RSPO1: variants seen among roughly 807,000 people sequenced by gnomAD.
The protein encoded by RSPO1 is R-spondin-1.
Under a neutral mutation model 26.0 loss-of-function variants are expected in RSPO1, and 18 were observed. That is an observed-to-expected ratio of 0.69 (90% CI 0.48 to 1.03). The LOEUF (loss-of-function observed/expected upper bound fraction) is 1.03. Ranked by LOEUF, RSPO1 falls within the 50% of genes least tolerant of loss-of-function variation. The pLI is 0.00. For synonymous variants in RSPO1, 133 were observed against 137.4 expected (o/e 0.97, Z 0.22); for missense variants, 309 against 352.3 (o/e 0.88, Z 0.98).
At position 37,613,906 on chromosome 1, in the gene RSPO1, A is replaced by G; in HGVS notation, c.437-14T>C. ...TTTCACATTGCGCTGGCAGGAAGAGAAGGGAAGGGAGAGAAGGACAAGGAG... is the reference window on the plus strand; with the variant it reads ...TTTCACATTGCGCTGGCAGGAAGAGGAGGGAAGGGAGAGAAGGACAAGGAG... On this transcript the variant is annotated splice_polypyrimidine_tract_variant and intron_variant, in intron 5 of 6. Coordinates refer to ENST00000356545, the MANE Select transcript of RSPO1 (RefSeq NM_001242908.2). The surrounding 1 kb of genome is among the most constrained non-coding windows in gnomAD (Gnocchi z 4.5). 6.2e-7 allele frequency: 1 copy of G among 1,613,514 alleles called. No homozygotes were observed.
chr1:37,630,325 GCT>G (rs5773594), intron 2 of RSPO1, among the ~76,000 whole-genome samples: 67,359 of 150,880 alleles, frequency 0.45, 15,525 homozygotes, highest in East Asian at 0.65. Flanking sequence ...TTGAAGAGGA[GCT>G]CTCTCTCTCT....
At position 37,616,514 on chromosome 1, in the gene RSPO1, C is replaced by T. The variant is rs763148695; in HGVS notation, c.256G>A (p.Ala86Thr). 3.1e-6 allele frequency: 5 copies of T among 1,614,174 alleles called. No homozygotes were observed. The highest frequency in any genetic ancestry group is 2.2e-5 in the South Asian group (2 of 91,080). ...LPSCPPGYFD[A>T]RNPDMNKCIK... The stretch of plus-strand genomic sequence containing the variant: ...CACTTGTTCATGTCGGGGTTGCGGG[C>T]GTCGAAGTATCCAGGTGGGCAGGAC... The change falls in exon 4 of 7, where the codon GCC becomes ACC. Residue 86 changes from alanine (A) to threonine (T), a missense_variant. Physicochemically the swap from Ala to Thr is moderately conservative, Grantham distance 58 (BLOSUM62 0). Coordinates refer to ENST00000356545, the MANE Select transcript of RSPO1 (RefSeq NM_001242908.2).
intron 4 of RSPO1, among the ~76,000 whole-genome samples, chr1:37,614,981 G>A (rs1644089475): frequency 6.6e-6 from 1 of 152,138 alleles, no homozygotes; most frequent in Admixed American, 6.5e-5. Context: ...TCTCCTCTGG[G>A]GGAATGGGGG....
At chr1:37,614,688 GGA>G (rs897272257) in intron 4 of RSPO1, among the ~76,000 whole-genome samples, 61 of 152,320 alleles carry the variant, frequency 4.0e-4, no homozygotes, top group African/African-American at 1.4e-3. Flanking sequence ...GGGTGGGACA[GGA>G]GAGTTTCAGC....
intron 3 of RSPO1, among the ~76,000 whole-genome samples, chr1:37,620,629 AAATAATAAT>A (rs56294873): frequency 1.4e-3 from 201 of 146,082 alleles, no homozygotes; most frequent in African/African-American, 4.5e-3. Flanking sequence ...CTCTGTCTCA[AAATAATAAT>A]AATAATAATA....
At chr1:37,617,343 G>A (rs2148164223) in intron 3 of RSPO1, among the ~76,000 whole-genome samples, 1 of 152,254 alleles carries the variant, frequency 6.6e-6, no homozygotes, top group African/African-American at 2.4e-5. Flanking sequence ...ATGACACTGA[G>A]GTTGAGAAAC....
chr1:37,632,873 T>G (rs1644379990), intron 1 of RSPO1, among the ~76,000 whole-genome samples: 1 of 152,236 alleles, frequency 6.6e-6, no homozygotes, highest in Admixed American at 6.5e-5. Context: ...TGACTCCCTT[T>G]TAAGCAGGCT....
At chr1:37,625,153 T>C (rs1267626067) in intron 3 of RSPO1, among the ~76,000 whole-genome samples, 2 of 152,236 alleles carry the variant, frequency 1.3e-5, no homozygotes. Context: ...CTTATATTGT[T>C]ATTATCTGCT....
chr1:37,631,527 G>C (rs1345566278), intron 2 of RSPO1, among the ~76,000 whole-genome samples: 1 of 152,198 alleles, frequency 6.6e-6, no homozygotes, highest in Non-Finnish European at 1.5e-5. Flanking sequence ...AGTCTCAGAG[G>C]CTGGCTGTAC....
chr1:37,631,209 C>T (rs193272631), intron 2 of RSPO1, among the ~76,000 whole-genome samples: 1 of 152,236 alleles, frequency 6.6e-6, no homozygotes, highest in Non-Finnish European at 1.5e-5. Flanking sequence ...GAGTTCAGTA[C>T]CTCCCTCCTT....
chr1:37,626,952 CA>C (rs1284581177), intron 3 of RSPO1, among the ~76,000 whole-genome samples: 4 of 151,958 alleles, frequency 2.6e-5, no homozygotes, highest in Admixed American at 2.6e-4. Context: ...GCAGGGTCCT[CA>C]ATGAGTGGAG....
chr1:37,624,130 G>A (rs1367684823), intron 3 of RSPO1, among the ~76,000 whole-genome samples: 1 of 152,022 alleles, frequency 6.6e-6, no homozygotes, highest in Non-Finnish European at 1.5e-5. Flanking sequence ...AGTTTAGAAA[G>A]CTCTCCTCTA....
In RSPO1 at chr1:37,614,281, C is replaced by T. The variant is rs1254050693; in HGVS notation, c.339G>A (p.Lys113=). ...EACFSHNFCT[K]CKEGLYLHKG... is the part of the protein sequence containing the mutation. ...TGTGCAGGTACAAGCCCTCCTTACA[C>T]TTGGTGCAGAAGTTATGGCTGAAGC... Residue 113 remains lysine, a synonymous_variant, in exon 5 of 7, where the codon AAG becomes AAA. Transcript: ENST00000356545. 3.1e-6 allele frequency: 5 copies of T among 1,613,924 alleles called. No individual in the cohort carries two copies. The Admixed American group carries it at 8.3e-5, about 27-fold the overall frequency.
chr1:37,624,338 C>G (rs1644246636), intron 3 of RSPO1, among the ~76,000 whole-genome samples: 1 of 152,172 alleles, frequency 6.6e-6, no homozygotes, highest in Non-Finnish European at 1.5e-5. Context: ...GGGCAAGCGG[C>G]CTTGCAGGGC....
Position 37,612,881 on chromosome 1 carries a change from A to G in RSPO1, c.666T>C (p.Asn222=). 1.2e-6 allele frequency: 2 copies of G among 1,614,072 alleles called. No homozygotes were observed. The highest frequency in any genetic ancestry group is 2.2e-5 in the South Asian group (2 of 91,090). The change falls in exon 7 of 7, where the codon AAT becomes AAC. Residue 222 remains asparagine, a synonymous_variant. Transcript: ENST00000356545. The part of the protein sequence containing the change: ...RRKGGQGRRE[N]ANRNLARKES... ...CCTTCCTGGCCAGGTTCCTGTTGGCATTCTCCCGCCGGCCCTGGCCTCCCT... is the reference window on the plus strand; with the variant it reads ...CCTTCCTGGCCAGGTTCCTGTTGGCGTTCTCCCGCCGGCCCTGGCCTCCCT...
chr1:37,632,184 C>T (rs1353382424), intron 2 of RSPO1, 103 bp downstream of exon 2: 2 of 152,222 alleles, frequency 1.3e-5, no homozygotes, highest in Non-Finnish European at 2.9e-5. Flanking sequence ...GGTGAGTGCT[C>T]GGCAAATGTT....
chr1:37,629,846 A>G lies in RSPO1; in HGVS notation c.-185T>C, dbSNP rs545731136. 1.3e-6 allele frequency: 2 copies of G among 1,550,962 alleles called. No homozygotes were observed. Among genetic ancestry groups the G allele is most frequent in the South Asian group, 2.4e-5 (2 of 84,056 alleles). On this transcript the variant is annotated 5_prime_UTR_variant, in exon 3 of 7. Transcript: ENST00000356545. ...GGTGTGGGGAGCCCAGTTCTCCATC[A>G]GCTCAAAGGGAGGTCCTCAAAGAGA...
In RSPO1 at chr1:37,614,196, A is replaced by G. The variant is rs1263442889; in HGVS notation, c.424T>C (p.Cys142Arg). The change falls in exon 5 of 7, where the codon TGC (cysteine) becomes CGC (arginine). Residue 142 changes from cysteine to arginine, a missense_variant. Coordinates refer to ENST00000356545, the MANE Select transcript of RSPO1 (RefSeq NM_001242908.2). The part of the protein sequence containing the change: ...GSSAANGTME[C>R]SSPAQCEMSE... ...TGCCATGGCTTACCAGGACTACTGC[A>G]CTCCATGGTGCCATTGGCAGCTGAG... The G allele has an allele frequency of 6.2e-6, 10 of 1,612,620 alleles. No individual in the cohort carries two copies. Among genetic ancestry groups the G allele is most frequent in the Non-Finnish European group, 8.5e-6 (10 of 1,179,976 alleles).
intron 3 of RSPO1, 116 bp from the exon 4 acceptor site, chr1:37,616,791 T>C: frequency 2.9e-6 from 3 of 1,024,162 alleles, no homozygotes; most frequent in Non-Finnish European, 3.0e-6. Context: ...AGGAATATGC[T>C]TCTCAGAAAG....
Sources: gnomAD v4.1 joint callset for allele counts (sites outside exome capture counted in the v4.1 genomes callset) on GRCh38, gnomAD v4.1.1 for gene constraint, Gnocchi (gnomAD v3.1) non-coding constraint, MANE v1.5 for transcripts, NCBI Gene and HGNC (gene_info 2026-07-23, HGNC 2026-07-21) for gene names.